The following TMPRSS3 variants were observed in gnomAD, a reference collection of about 807,000 sequenced individuals.
TMPRSS3 encodes the protein transmembrane serine protease 3.
In TMPRSS3, 55 loss-of-function variants were observed where a neutral mutation model predicts 59.6. The ratio of observed to expected loss-of-function variants is 0.92; its 90% CI spans 0.74 to 1.16. The LOEUF (loss-of-function observed/expected upper bound fraction) is 1.16. Among genes scored for constraint, TMPRSS3 ranks in the 50% most tolerant of loss-of-function variants. TMPRSS3 has a pLI of 0.00. For synonymous variants in TMPRSS3, 257 were observed against 237.7 expected (o/e 1.08, Z -0.75); for missense variants, 596 against 579.4 (o/e 1.03, Z -0.29).
Position 42,376,422 on chromosome 21 carries a change from TTTC to T in TMPRSS3, c.1191+116_1191+118del, listed in dbSNP as rs1601515550. 1.2e-5 allele frequency: 17 copies of T among 1,432,238 alleles called. No homozygotes were observed. The East Asian group carries it at 4.1e-4, about 35-fold the overall frequency. 88.7% of individuals were successfully genotyped at this position (1,432,238 alleles called of 1,614,324 possible). On this transcript the variant is annotated intron_variant, in intron 11 of 12. Transcript: ENST00000644384. ...GAAAAGGAGTGATATCTTGAGCAAA[TTTC>T]TTCTCCACGCCCTGTAAATTTACTT...
chr21:42,378,122 A>G (rs887879981), intron 10 of TMPRSS3, among the ~76,000 whole-genome samples: 1 of 152,234 alleles, frequency 6.6e-6, no homozygotes, highest in African/African-American at 2.4e-5. Flanking sequence ...AAGGCCCTGG[A>G]CCAGCCACAC....
chr21:42,388,491 A>G lies in TMPRSS3; in HGVS notation c.358T>C (p.Phe120Leu). Residue 120 changes from phenylalanine to leucine, a missense_variant, in exon 5 of 13, where the codon TTC becomes CTC. Physicochemically the swap from Phe to Leu is conservative, Grantham distance 22. Transcript: ENST00000644384. The surrounding 1 kb of genome is among the most constrained non-coding windows in gnomAD (Gnocchi z 5.1). Reference protein sequence around the residue: ...VGGQNAVLQVFTAASWKTMCS... With the variant: ...VGGQNAVLQVLTAASWKTMCS... Reference sequence around the variant, plus strand: ...ATGGTCTTCCACGAAGCAGCTGTGAACACCTGGAGCACGGCATTCTGACCA... The same window carrying G: ...ATGGTCTTCCACGAAGCAGCTGTGAGCACCTGGAGCACGGCATTCTGACCA... The G allele has an allele frequency of 6.2e-7, 1 of 1,614,164 alleles. No individual in the cohort carries two copies. Among genetic ancestry groups the G allele is most frequent in the South Asian group, 1.1e-5 (1 of 91,076 alleles).
intron 8 of TMPRSS3, chr21:42,382,515 A>G (rs949063515): frequency 1.0e-5 from 5 of 495,826 alleles, no homozygotes; most frequent in African/African-American, 9.7e-5. Flanking sequence ...CAAGGAGTCT[A>G]TCAGGCACTA....
At chr21:42,389,171 C>G (rs1476134577) in intron 3 of TMPRSS3, 126 bp from the exon 4 acceptor site, 11 of 1,532,824 alleles carry the variant, frequency 7.2e-6, no homozygotes, top group Non-Finnish European at 9.6e-6. Context: ...GAAATTGCGT[C>G]CCTGTCAGCA....
intron 10 of TMPRSS3, among the ~76,000 whole-genome samples, chr21:42,377,407 G>A (rs117477519): frequency 3.6e-4 from 55 of 152,344 alleles, no homozygotes; most frequent in Middle Eastern, 3.4e-3. Context: ...GAGTGCAGAC[G>A]CTGGGAAAGG....
At chr21:42,375,517 A>C (rs903461729) in intron 12 of TMPRSS3, among the ~76,000 whole-genome samples, 199 bp downstream of exon 12, 1 of 151,658 alleles carries the variant, frequency 6.6e-6, no homozygotes, top group Non-Finnish European at 1.5e-5. Context: ...GGCTGCACCC[A>C]CCCAGAGCTG....
In TMPRSS3 at chr21:42,381,136, C is replaced by A. The variant is rs148293864; in HGVS notation, c.953-924G>T. ...AATTAACCTATTTATTATGCTTTCCCTGCTTTCTTAAGAAGGAAAGAGGGC... is the reference window on the plus strand; with the variant it reads ...AATTAACCTATTTATTATGCTTTCCATGCTTTCTTAAGAAGGAAAGAGGGC... On this transcript the variant is annotated intron_variant, in intron 9 of 12. Transcript: ENST00000644384. 6.3e-3 allele frequency among the ~76,000 whole-genome samples: 961 copies of A among 152,300 alleles called. 7 individuals are homozygous for A. The highest frequency in any genetic ancestry group is 0.021 in the African/African-American group (874 of 41,556).
intron 7 of TMPRSS3, chr21:42,383,515 G>A (rs2052571816): frequency 3.8e-6 from 2 of 531,344 alleles, no homozygotes; most frequent in South Asian, 2.0e-5. Context: ...GATGTCAGGA[G>A]CAGGCAGGAA....
At chr21:42,392,978 A>G (rs2052752479) in intron 2 of TMPRSS3, among the ~76,000 whole-genome samples, 1 of 152,368 alleles carries the variant, frequency 6.6e-6, no homozygotes, top group East Asian at 1.9e-4. Flanking sequence ...AAACAATGAA[A>G]TGTACAGCAT....
chr21:42,382,341 G>A (rs1019767876), intron 8 of TMPRSS3, 107 bp from the exon 9 acceptor site: 15 of 991,278 alleles, frequency 1.5e-5, no homozygotes, highest in Non-Finnish European at 2.3e-5. Flanking sequence ...AGGTTATCAG[G>A]CAAGATGTGG....
intron 5 of TMPRSS3, 30 bp from the exon 6 acceptor site, chr21:42,385,564 C>A: frequency 6.2e-7 from 1 of 1,613,516 alleles, no homozygotes; most frequent in African/African-American, 1.3e-5. Context: ...ACAGACCCGA[C>A]GTGGTAACTT....
chr21:42,392,614 C>A (rs545731505), intron 2 of TMPRSS3, among the ~76,000 whole-genome samples: 1 of 152,252 alleles, frequency 6.6e-6, no homozygotes, highest in East Asian at 1.9e-4. Context: ...GGTCTGAGAC[C>A]AAGTCCTTCC....
At chr21:42,374,332 G>A (rs1034171574) in intron 12 of TMPRSS3, among the ~76,000 whole-genome samples, 13 of 152,224 alleles carry the variant, frequency 8.5e-5, no homozygotes, top group African/African-American at 1.2e-4. Context: ...GCTGCAGGGC[G>A]GCAGTGCTGG....
chr21:42,381,008 T>C (rs1212781839), intron 9 of TMPRSS3, among the ~76,000 whole-genome samples: 1 of 152,222 alleles, frequency 6.6e-6, no homozygotes, highest in Non-Finnish European at 1.5e-5. Context: ...TCTGGAAATA[T>C]TTGTTTCTGG....
chr21:42,372,814 C>T (rs1274540830), intron 12 of TMPRSS3, 35 bp from the exon 13 acceptor site: 6 of 1,613,506 alleles, frequency 3.7e-6, no homozygotes, highest in Admixed American at 3.3e-5. Context: ...TTGTTTTTAG[C>T]ACTTCCAGCC....
Position 42,383,164 on chromosome 21 carries a change from G to A in TMPRSS3, c.651C>T (p.Ile217=), listed in dbSNP as rs376455414. The A allele has an allele frequency of 8.7e-6, 14 of 1,614,026 alleles. No individual in the cohort carries two copies. The highest frequency in any genetic ancestry group is 3.3e-5 in the Admixed American group (2 of 60,012). The change falls in exon 8 of 13, where the codon ATC becomes ATT. Residue 217 remains isoleucine, a synonymous_variant. Transcript: ENST00000644384. ...AGAGCAAGGACATGTTTCCACCCAC[G>A]ATGCGTGAGCTGTAGCCCCTTCTAT... The part of the protein sequence containing the change: ...CGHRRGYSSR[I]VGGNMSLLSQ...
rs756736368 is a variant in TMPRSS3, at chr21:42,380,109, C to G, written c.1048+8G>C. The G allele has an allele frequency of 6.2e-6, 10 of 1,612,408 alleles. No individual in the cohort carries two copies. In the Admixed American group the frequency reaches 1.7e-4, roughly 27 times the overall value. ...CTGGACTCCGAATCTTGGCTTCAGC[C>G]CACTGACCTCCATCCTCTGTGGCCC... On this transcript the variant is annotated splice_region_variant and intron_variant, in intron 10 of 12. Coordinates refer to ENST00000644384, the MANE Select transcript of TMPRSS3 (RefSeq NM_001256317.3).
chr21:42,382,165 G>A lies in TMPRSS3; in HGVS notation c.852C>T (p.Ser284=). 6.2e-7 allele frequency: 1 copy of A among 1,614,164 alleles called. No homozygotes were observed. Among genetic ancestry groups the A allele is most frequent in the Non-Finnish European group, 8.5e-7 (1 of 1,180,030 alleles). ...LVSLLDNPAP[S]HLVEKIVYHS... ...GGTAGACAATCTTCTCCACCAAGTG[G>A]GATGGGGCTGGATTGTCCAACAGGG... The change falls in exon 9 of 13, where the codon TCC becomes TCT. Residue 284 remains serine (S), a synonymous_variant. Transcript: ENST00000644384.
intron 3 of TMPRSS3, 173 bp from the exon 4 acceptor site, chr21:42,389,218 C>A: frequency 7.2e-7 from 1 of 1,386,108 alleles, no homozygotes; most frequent in Non-Finnish European, 9.8e-7. Context: ...TTTTGAATTC[C>A]AAGGGGTGGG....
Sources: gnomAD v4.1 joint callset for allele counts (sites outside exome capture counted in the v4.1 genomes callset) on GRCh38, gnomAD v4.1.1 for gene constraint, Gnocchi (gnomAD v3.1) non-coding constraint, MANE v1.5 for transcripts, NCBI Gene and HGNC (gene_info 2026-07-23, HGNC 2026-07-21) for gene names.